Variants in SH3RF1 observed in about 807,000 individuals in gnomAD.
The protein encoded by SH3RF1 is E3 ubiquitin-protein ligase SH3RF1.
A neutral mutation model predicts 74.0 loss-of-function variants in SH3RF1; 32 were observed. The observed-to-expected ratio is 0.43, with a 90% CI of 0.33 to 0.58. The LOEUF (loss-of-function observed/expected upper bound fraction) is 0.58. SH3RF1 is among the 20% of genes least tolerant of loss of function. The pLI is 0.05. For synonymous variants in SH3RF1, 396 were observed against 439.6 expected (o/e 0.90, Z 1.24); for missense variants, 954 against 1,130.9 (o/e 0.84, Z 2.24).
intron 11 of SH3RF1, among the ~76,000 whole-genome samples, chr4:169,098,706 G>A (rs969839039): frequency 6.6e-6 from 1 of 152,214 alleles, no homozygotes; most frequent in African/African-American, 2.4e-5. Flanking sequence ...AATGAGGAAG[G>A]AAGCATGACA....
intron 2 of SH3RF1, among the ~76,000 whole-genome samples, chr4:169,228,215 A>C (rs1730680528): frequency 1.3e-5 from 2 of 152,204 alleles, no homozygotes; most frequent in African/African-American, 4.8e-5. Context: ...GTCTTCAAAC[A>C]CAAGTAGACC....
intron 10 of SH3RF1, among the ~76,000 whole-genome samples, chr4:169,109,793 T>G (rs1004739439): frequency 2.5e-4 from 38 of 151,658 alleles, no homozygotes; most frequent in African/African-American, 9.0e-4. Flanking sequence ...GAGGATCACT[T>G]GAGCCCAGGA....
chr4:169,191,024 C>G (rs142580535), intron 2 of SH3RF1, among the ~76,000 whole-genome samples: 2,696 of 152,162 alleles, frequency 0.018, 74 homozygotes, highest in African/African-American at 0.062. Flanking sequence ...ATCCAGCATC[C>G]CTTTACGATT....
intron 10 of SH3RF1, among the ~76,000 whole-genome samples, chr4:169,109,809 A>G (rs536153915): frequency 6.7e-6 from 1 of 148,670 alleles, no homozygotes; most frequent in South Asian, 2.2e-4. Context: ...CAGGAGTTCA[A>G]GACCAGCCTG....
intron 3 of SH3RF1, 66 bp downstream of exon 3, chr4:169,156,338 T>C (rs1734051808): frequency 6.9e-7 from 1 of 1,453,156 alleles, no homozygotes; most frequent in Non-Finnish European, 9.1e-7. Flanking sequence ...ACACGAGCTA[T>C]ATTTCTATGT....
At chr4:169,102,182 A>G (rs1451438256) in intron 11 of SH3RF1, among the ~76,000 whole-genome samples, 1 of 152,158 alleles carries the variant, frequency 6.6e-6, no homozygotes, top group Non-Finnish European at 1.5e-5. Flanking sequence ...TCAATTAAGT[A>G]TTTCACTGGC....
chr4:169,218,337 A>AATATAAATATATATTATATAAT (rs1167935777), intron 2 of SH3RF1, among the ~76,000 whole-genome samples: 1 of 142,392 alleles, frequency 7.0e-6, no homozygotes, highest in Non-Finnish European at 1.5e-5. Context: ...CAGATTATAG[A>AATATAAATATATATTATATAAT]ATATAGAATA....
intron 2 of SH3RF1, among the ~76,000 whole-genome samples, chr4:169,192,006 C>A (rs1301352799): frequency 6.6e-6 from 1 of 152,036 alleles, no homozygotes; most frequent in African/African-American, 2.4e-5. Context: ...TGACCAAGAA[C>A]CCAAAAGCAA....
At chr4:169,229,216 T>A (rs1730696609) in intron 2 of SH3RF1, among the ~76,000 whole-genome samples, 1 of 152,172 alleles carries the variant, frequency 6.6e-6, no homozygotes, top group Non-Finnish European at 1.5e-5. Context: ...TATAATTCCT[T>A]TTTTATTGAG....
intron 2 of SH3RF1, among the ~76,000 whole-genome samples, chr4:169,222,017 ATACAT>A (rs1656162197): frequency 6.6e-6 from 1 of 152,222 alleles, no homozygotes; most frequent in Non-Finnish European, 1.5e-5. Flanking sequence ...TTGAACATCT[ATACAT>A]TATCAAGTGT....
At chr4:169,209,986 G>A (rs530794289) in intron 2 of SH3RF1, among the ~76,000 whole-genome samples, 2 of 152,176 alleles carry the variant, frequency 1.3e-5, no homozygotes, top group South Asian at 4.2e-4. Flanking sequence ...TTGTAGAGAT[G>A]GGGTTCGCCA....
At chr4:169,213,356 T>C (rs1490956969) in intron 2 of SH3RF1, among the ~76,000 whole-genome samples, 1 of 152,246 alleles carries the variant, frequency 6.6e-6, no homozygotes, top group African/African-American at 2.4e-5. Context: ...TGCCCATTTT[T>C]CAATCCAATG....
chr4:169,187,510 G>A (rs1333037579), intron 2 of SH3RF1, among the ~76,000 whole-genome samples: 1 of 138,896 alleles, frequency 7.2e-6, no homozygotes, highest in Non-Finnish European at 1.5e-5. Flanking sequence ...TCTTTACAAC[G>A]AATTTCTGTG....
chr4:169,163,422 T>A (rs1394175932), intron 2 of SH3RF1, among the ~76,000 whole-genome samples: 2 of 152,158 alleles, frequency 1.3e-5, no homozygotes, highest in African/African-American at 4.8e-5. Context: ...CAGGAGCATG[T>A]TTAAAAGGCA....
At position 169,117,582 on chromosome 4, in the gene SH3RF1, A is replaced by C; in HGVS notation, c.1718T>G (p.Val573Gly). Residue 573 changes from valine to glycine, a missense_variant, in exon 9 of 12, where the codon GTC (valine) becomes GGC (glycine). By Grantham distance (109) the Val-to-Gly change is moderately radical (BLOSUM62 -3). Coordinates refer to ENST00000284637, the MANE Select transcript of SH3RF1 (RefSeq NM_020870.4). ...AHIQTSPQAK[V>G]LLHMTGQMTV... ...CATTTGCCCCGTCATGTGCAACAAGACCTTAGCCTGAGGACTTGTCTGGAT... is the reference window on the plus strand; with the variant it reads ...CATTTGCCCCGTCATGTGCAACAAGCCCTTAGCCTGAGGACTTGTCTGGAT... The C allele has an allele frequency of 6.2e-7, 1 of 1,614,092 alleles. No homozygotes were observed. The highest frequency in any genetic ancestry group is 8.5e-7 in the Non-Finnish European group (1 of 1,180,010).
chr4:169,229,472 A>AC (rs1297024273), intron 2 of SH3RF1, among the ~76,000 whole-genome samples: 1 of 148,344 alleles, frequency 6.7e-6, no homozygotes, highest in Non-Finnish European at 1.5e-5. Context: ...CCACCCCCCC[A>AC]CCCAAAAAAA....
In SH3RF1 at chr4:169,185,001, G is replaced by A. The variant is rs10013224; in HGVS notation, c.394-28322C>T. Among the ~76,000 whole-genome samples, 407 of 152,274 alleles carry A rather than the reference G, an allele frequency of 2.7e-3. 1 individual carries two copies. Among genetic ancestry groups the A allele is most frequent in the African/African-American group, 8.3e-3 (346 of 41,554 alleles). On this transcript the variant is annotated intron_variant, in intron 2 of 11. Transcript: ENST00000284637. The stretch of plus-strand genomic sequence containing the variant: ...GGATAAAAGCCTCCTCATTCCAGAC[G>A]TCCTGCAAGTGTGATCAGGGGTTAT...
chr4:169,170,887 T>C (rs957699436), intron 2 of SH3RF1, among the ~76,000 whole-genome samples: 9 of 152,128 alleles, frequency 5.9e-5, no homozygotes, highest in African/African-American at 1.7e-4. Flanking sequence ...TCTAAAAAGA[T>C]CTAATATTTA....
intron 2 of SH3RF1, among the ~76,000 whole-genome samples, chr4:169,173,906 A>C (rs997978281): frequency 6.6e-6 from 1 of 152,142 alleles, no homozygotes; most frequent in Admixed American, 6.6e-5. Flanking sequence ...GTCTTTTAGA[A>C]AAATAAGATC....
Sources: allele counts gnomAD v4.1 joint callset (sites outside exome capture counted in the v4.1 genomes callset), GRCh38; gene constraint gnomAD v4.1.1; transcripts MANE v1.5; gene names NCBI Gene and HGNC (gene_info 2026-07-23, HGNC 2026-07-21).